The following TSPAN18 variants were observed in gnomAD, a reference collection of about 807,000 sequenced individuals.
The protein encoded by TSPAN18 is tetraspanin 18, also known as tetraspanin-18.
In TSPAN18, 14 loss-of-function variants were observed where a neutral mutation model predicts 27.3. That is an observed-to-expected ratio of 0.51 (90% CI 0.34 to 0.80). The LOEUF (loss-of-function observed/expected upper bound fraction) is 0.80, where lower values mean the gene tolerates loss of function less well. Ranked by LOEUF, TSPAN18 falls within the 30% of genes least tolerant of loss-of-function variation. TSPAN18 has a pLI of 0.01. For synonymous variants in TSPAN18, 143 were observed against 136.5 expected, an observed-to-expected ratio of 1.05 and a Z score of -0.33; for missense variants, 268 against 323.9, an observed-to-expected ratio of 0.83 and a Z score of 1.32.
intron 2 of TSPAN18, among the ~76,000 whole-genome samples, chr11:44,824,957 C>G (rs1195503053): frequency 6.6e-6 from 1 of 152,218 alleles, no homozygotes; most frequent in Non-Finnish European, 1.5e-5. Context: ...TCCCTACACC[C>G]TTCTCTGGTC....
At chr11:44,728,575 A>C (rs752126519) in intron 1 of TSPAN18, among the ~76,000 whole-genome samples, 1 of 152,042 alleles carries the variant, frequency 6.6e-6, no homozygotes, top group Non-Finnish European at 1.5e-5. Context: ...GTCCAGGCAG[A>C]AGTGTTAAAT....
chr11:44,777,445 C>T (rs1855838481), intron 2 of TSPAN18, among the ~76,000 whole-genome samples: 1 of 152,170 alleles, frequency 6.6e-6, no homozygotes, highest in South Asian at 2.1e-4. Context: ...TGCCAAGCTG[C>T]TGCCTTGTTC....
intron 2 of TSPAN18, among the ~76,000 whole-genome samples, chr11:44,791,326 G>A (rs1054151754): frequency 2.0e-5 from 3 of 152,182 alleles, no homozygotes; most frequent in East Asian, 1.9e-4. Flanking sequence ...GGGGGTAGCC[G>A]GGGAGATATG....
At chr11:44,851,615 T>C (rs7943452) in intron 2 of TSPAN18, among the ~76,000 whole-genome samples, 50,287 of 118,040 alleles carry the variant, frequency 0.43, 11,792 homozygotes, top group Non-Finnish European at 0.54. Context: ...TCTTGTCACC[T>C]CCCCCCCCCA....
Position 44,781,757 on chromosome 11 carries a change from C to T in TSPAN18, c.-153+17245C>T, listed in dbSNP as rs544914813. 5.3e-5 allele frequency among the ~76,000 whole-genome samples: 8 copies of T among 152,274 alleles called. No homozygotes were observed. The South Asian group carries it at 1.2e-3, about 24-fold the overall frequency. ...TATACAGACATAAATTGTACAATAACATCCATTTTGACCTTGTATATGTCA... is the reference window on the plus strand; with the variant it reads ...TATACAGACATAAATTGTACAATAATATCCATTTTGACCTTGTATATGTCA... On this transcript the variant is annotated intron_variant, in intron 2 of 9. Transcript: ENST00000520358.
intron 2 of TSPAN18, among the ~76,000 whole-genome samples, chr11:44,772,889 C>T (rs937621131): frequency 6.6e-6 from 1 of 151,694 alleles, no homozygotes; most frequent in Non-Finnish European, 1.5e-5. Context: ...AACTTCTGAC[C>T]TAGGCGATCC....
intron 2 of TSPAN18, among the ~76,000 whole-genome samples, chr11:44,777,999 A>G (rs993428466): frequency 6.6e-6 from 1 of 152,000 alleles, no homozygotes; most frequent in African/African-American, 2.4e-5. Context: ...AGGATACCCT[A>G]GGGGGTAGAG....
chr11:44,805,752 G>A (rs993672013), intron 2 of TSPAN18, among the ~76,000 whole-genome samples: 4 of 152,244 alleles, frequency 2.6e-5, no homozygotes, highest in East Asian at 1.9e-4. Flanking sequence ...CTGAGGCCTC[G>A]AGGGAAGAAT....
intron 2 of TSPAN18, among the ~76,000 whole-genome samples, chr11:44,796,318 T>C (rs1856348548): frequency 6.6e-6 from 1 of 152,186 alleles, no homozygotes; most frequent in African/African-American, 2.4e-5. Context: ...AGATTGGTTT[T>C]CAGTTTTTAC....
At chr11:44,815,495 T>C (rs1856801797) in intron 2 of TSPAN18, among the ~76,000 whole-genome samples, 1 of 152,060 alleles carries the variant, frequency 6.6e-6, no homozygotes, top group South Asian at 2.1e-4. Context: ...GGTGTGTTCT[T>C]TTGTCCCTGG....
chr11:44,744,941 A>G (rs1381705144), intron 1 of TSPAN18, among the ~76,000 whole-genome samples: 1 of 152,220 alleles, frequency 6.6e-6, no homozygotes. Flanking sequence ...CAGGCTCAGC[A>G]GGAAGGAGTG....
intron 2 of TSPAN18, among the ~76,000 whole-genome samples, chr11:44,797,983 C>G (rs534577726): frequency 2.6e-4 from 39 of 152,254 alleles, no homozygotes; most frequent in Admixed American, 5.9e-4. Flanking sequence ...CACAAAGGAG[C>G]CTGTTTAACT....
At chr11:44,836,260 G>C (rs1386998932) in intron 2 of TSPAN18, among the ~76,000 whole-genome samples, 1 of 152,230 alleles carries the variant, frequency 6.6e-6, no homozygotes, top group Non-Finnish European at 1.5e-5. Flanking sequence ...TGCTACTCCA[G>C]TGAACACACA....
At position 44,909,732 on chromosome 11, in the gene TSPAN18, G is replaced by A. The variant is rs371649610; in HGVS notation, c.91G>A (p.Gly31Ser). Residue 31 changes from glycine (G) to serine (S), a missense_variant, in exon 5 of 10, where the codon GGC becomes AGC. Gly to Ser is a moderately conservative substitution (Grantham distance 56, BLOSUM62 0). Coordinates refer to ENST00000520358, the MANE Select transcript of TSPAN18 (RefSeq NM_130783.5). The part of the protein sequence containing the change: ...FLGGACLLAI[G>S]IWVMVDPTGF... ...GGGCGGGGCCTGCCTGCTGGCCATC[G>A]GCATCTGGGTCATGGTGGACCCCAC... The A allele has an allele frequency of 2.0e-5, 33 of 1,612,246 alleles. No homozygotes were observed. Among genetic ancestry groups the A allele is most frequent in the South Asian group, 8.8e-5 (8 of 90,994 alleles).
chr11:44,768,772 T>C (rs900581422), intron 2 of TSPAN18, among the ~76,000 whole-genome samples: 1 of 152,220 alleles, frequency 6.6e-6, no homozygotes, highest in Non-Finnish European at 1.5e-5. Context: ...ATTCCTAGTT[T>C]GCTGAGAGTT....
At chr11:44,814,568 A>G (rs1047732150) in intron 2 of TSPAN18, among the ~76,000 whole-genome samples, 4 of 152,242 alleles carry the variant, frequency 2.6e-5, no homozygotes, top group Non-Finnish European at 5.9e-5. Flanking sequence ...TGTCTGTGCC[A>G]TGCTATGCAC....
chr11:44,824,816 G>A (rs537194563), intron 2 of TSPAN18, among the ~76,000 whole-genome samples: 6 of 152,366 alleles, frequency 3.9e-5, no homozygotes, highest in African/African-American at 1.2e-4. Context: ...GAGAGACTGT[G>A]TGTCTGATGC....
At chr11:44,911,340 G>A (rs1238613634) in intron 5 of TSPAN18, among the ~76,000 whole-genome samples, 4 of 152,108 alleles carry the variant, frequency 2.6e-5, no homozygotes, top group Non-Finnish European at 5.9e-5. Context: ...CTCCCCAGAC[G>A]AGAGCACACT....
At chr11:44,809,172 C>T (rs1160867722) in intron 2 of TSPAN18, among the ~76,000 whole-genome samples, 1 of 152,136 alleles carries the variant, frequency 6.6e-6, no homozygotes, top group Non-Finnish European at 1.5e-5. Flanking sequence ...GGAATAGAAC[C>T]AGAGTCTGCC....
Sources: allele counts gnomAD v4.1 joint callset (sites outside exome capture counted in the v4.1 genomes callset), GRCh38; gene constraint gnomAD v4.1.1; transcripts MANE v1.5; gene names NCBI Gene and HGNC (gene_info 2026-07-23, HGNC 2026-07-21).